GABRG2: variants seen among roughly 807,000 people sequenced by gnomAD.
GABRG2 encodes the protein gamma-aminobutyric acid receptor subunit gamma-2.
GABRG2 carries 16 observed loss-of-function variants against 56.4 expected under a neutral mutation model. The ratio of observed to expected loss-of-function variants is 0.28; its 90% CI spans 0.19 to 0.43. The LOEUF is 0.43. Among genes scored for constraint, GABRG2 ranks in the 20% least tolerant of loss-of-function variants. GABRG2 has a pLI of 1.00. For missense variants in GABRG2, 327 were observed against 582.7 expected, an observed-to-expected ratio of 0.56 and a Z score of 4.52; for synonymous variants, 208 against 205.5, an observed-to-expected ratio of 1.01 and a Z score of -0.10.
chr5:162,153,144 G>A lies in GABRG2; in HGVS notation c.1204G>A (p.Ala402Thr), dbSNP rs143945240. ...ATCAGCAACCATTCAAATGAATAAT[G>A]CTACACACCTTCAAGAGAGAGATGA... ...PRSATIQMNN[A>T]THLQERDEEY... The change falls in exon 10 of 10, where the codon GCT becomes ACT. Residue 402 changes from alanine to threonine, a missense_variant. Ala to Thr is a moderately conservative substitution (Grantham distance 58). This residue lies in a region of GABRG2 where 108 missense variants were observed against 144.2 expected (regional missense o/e 0.75). Coordinates refer to ENST00000639213, the MANE Select transcript of GABRG2 (RefSeq NM_198904.4). 26 of 1,613,888 alleles carry A rather than the reference G, an allele frequency of 1.6e-5. No homozygotes were observed. The highest frequency in any genetic ancestry group is 4.0e-5 in the African/African-American group (3 of 74,882).
intron 1 of GABRG2, among the ~76,000 whole-genome samples, chr5:162,078,081 A>G (rs1291045049): frequency 1.3e-5 from 2 of 152,006 alleles, no homozygotes; most frequent in African/African-American, 4.8e-5. Flanking sequence ...ATCTACATGA[A>G]GCTGATTCCT....
intron 6 of GABRG2, among the ~76,000 whole-genome samples, chr5:162,118,804 C>T (rs777595444): frequency 8.5e-5 from 13 of 152,076 alleles, no homozygotes; most frequent in Admixed American, 2.6e-4. Flanking sequence ...ATTATTAAAG[C>T]GACACAAAAG....
At chr5:162,067,753 C>G (rs1031655344), upstream of GABRG2, 2 of 610,882 alleles carry the variant, frequency 3.3e-6, no homozygotes, top group African/African-American at 3.7e-5. Context: ...GATATTACTC[C>G]CCCAGACTTG....
intron 1 of GABRG2, among the ~76,000 whole-genome samples, chr5:162,079,988 A>AT (rs1759521135): frequency 6.6e-6 from 1 of 151,966 alleles, no homozygotes; most frequent in African/African-American, 2.4e-5. Flanking sequence ...GATTCTGTTC[A>AT]TTTTTCCCCT....
At chr5:162,109,782 T>C (rs1432937476) in intron 6 of GABRG2, among the ~76,000 whole-genome samples, 1 of 152,104 alleles carries the variant, frequency 6.6e-6, no homozygotes. Context: ...CACGGCCAGC[T>C]CATCAAATTC....
intron 6 of GABRG2, among the ~76,000 whole-genome samples, chr5:162,106,833 C>G (rs182898325): frequency 2.0e-5 from 3 of 149,334 alleles, no homozygotes; most frequent in Non-Finnish European, 3.0e-5. Context: ...TTCTTGAATG[C>G]GTAATGAATT....
At chr5:162,087,109 A>G (rs1425532077) in intron 1 of GABRG2, among the ~76,000 whole-genome samples, 2 of 152,060 alleles carry the variant, frequency 1.3e-5, no homozygotes, top group African/African-American at 4.8e-5. Context: ...TAAAAACAAT[A>G]AACTATGATA....
At chr5:162,093,096 T>C (rs1245170368) in intron 1 of GABRG2, among the ~76,000 whole-genome samples, 1 of 152,164 alleles carries the variant, frequency 6.6e-6, no homozygotes, top group African/African-American at 2.4e-5. Context: ...GAAAGAATAT[T>C]ATGTGGCTTT....
upstream of GABRG2, chr5:162,067,670 A>G (rs1413474764): frequency 1.3e-5 from 8 of 596,988 alleles, no homozygotes; most frequent in Admixed American, 1.5e-4. Context: ...AGTATACACG[A>G]GTGTGCGTGT....
At position 162,114,796 on chromosome 5, in the gene GABRG2, T is replaced by C. The variant is rs961556658; in HGVS notation, c.769+10770T>C. Among the ~76,000 whole-genome samples the C allele has an allele frequency of 2.0e-5, 3 of 152,200 alleles. No homozygotes were observed. In the East Asian group the frequency reaches 5.8e-4, roughly 29 times the overall value. On this transcript the variant is annotated intron_variant, in intron 6 of 9. Coordinates refer to ENST00000639213, the MANE Select transcript of GABRG2 (RefSeq NM_198904.4). Reference sequence around the variant, plus strand: ...ATTCAGTTTATCTCTACTGTCCACTTTCATGGAAGATGGATTTTGAATAAA... The same window carrying C: ...ATTCAGTTTATCTCTACTGTCCACTCTCATGGAAGATGGATTTTGAATAAA...
At chr5:162,149,014 T>C in intron 7 of GABRG2, 94 bp from the exon 8 acceptor site, 1 of 1,127,286 alleles carries the variant, frequency 8.9e-7, no homozygotes, top group Non-Finnish European at 1.3e-6. Flanking sequence ...AAACTGCCCA[T>C]CAGAAGTCAT....
At chr5:162,147,674 C>T (rs929354403) in intron 7 of GABRG2, among the ~76,000 whole-genome samples, 1 of 152,202 alleles carries the variant, frequency 6.6e-6, no homozygotes, top group Middle Eastern at 3.4e-3. Context: ...CGACCTGTTT[C>T]GAAGTTTCCC....
intron 1 of GABRG2, among the ~76,000 whole-genome samples, chr5:162,089,500 A>T (rs1022775848): frequency 2.0e-5 from 3 of 152,176 alleles, no homozygotes; most frequent in Non-Finnish European, 2.9e-5. Flanking sequence ...TCCCGCATGT[A>T]TGTCTTGATA....
chr5:162,077,417 G>A (rs1759218010), intron 1 of GABRG2, among the ~76,000 whole-genome samples: 1 of 152,086 alleles, frequency 6.6e-6, no homozygotes, highest in Non-Finnish European at 1.5e-5. Flanking sequence ...GATGCTTCTA[G>A]TTTGAGGCTA....
intron 6 of GABRG2, among the ~76,000 whole-genome samples, chr5:162,124,295 A>G (rs1388944662): frequency 1.3e-5 from 2 of 151,966 alleles, no homozygotes; most frequent in Non-Finnish European, 2.9e-5. Flanking sequence ...AATACAACAA[A>G]TAAAGTGAGT....
chr5:162,146,265 G>A (rs1393039610), intron 7 of GABRG2, among the ~76,000 whole-genome samples: 1 of 152,062 alleles, frequency 6.6e-6, no homozygotes, highest in Non-Finnish European at 1.5e-5. Context: ...TCAGAGCACA[G>A]CATTTGAAGT....
At chr5:162,074,660 T>C (rs1049727021) in intron 1 of GABRG2, among the ~76,000 whole-genome samples, 16 of 152,104 alleles carry the variant, frequency 1.1e-4, no homozygotes, top group African/African-American at 3.4e-4. Context: ...TTCTTTTTTA[T>C]AAATTGCTTT....
intron 6 of GABRG2, among the ~76,000 whole-genome samples, chr5:162,116,120 G>GTGTA (rs1762607617): frequency 1.3e-5 from 2 of 149,018 alleles, no homozygotes; most frequent in Admixed American, 1.3e-4. Flanking sequence ...ATGTGTGTGT[G>GTGTA]TGTGTGTGTG....
intron 7 of GABRG2, chr5:162,142,521 T>C (rs1276134125): frequency 5.7e-6 from 3 of 529,540 alleles, no homozygotes; most frequent in African/African-American, 3.8e-5. Flanking sequence ...AATGATAGAC[T>C]GGATTAAGAA....
Sources: allele counts gnomAD v4.1 joint callset (sites outside exome capture counted in the v4.1 genomes callset), GRCh38; gene constraint gnomAD v4.1.1; regional missense constraint gnomAD v4.1.1; transcripts MANE v1.5; gene names NCBI Gene and HGNC (gene_info 2026-07-23, HGNC 2026-07-21).